SULT2B1: variants seen among roughly 807,000 people sequenced by gnomAD.
SULT2B1 encodes the protein sulfotransferase family 2B member 1.
Under a neutral mutation model 33.2 loss-of-function variants are expected in SULT2B1, and 16 were observed. The ratio of observed to expected loss-of-function variants is 0.48; its 90% CI spans 0.33 to 0.73. The LOEUF (loss-of-function observed/expected upper bound fraction) is 0.73, where lower values mean the gene tolerates loss of function less well. Among genes scored for constraint, SULT2B1 ranks in the 30% least tolerant of loss-of-function variants. The pLI, the probability that SULT2B1 is intolerant of heterozygous loss-of-function variation, is 0.02. For synonymous variants in SULT2B1, 186 were observed against 200.5 expected, an observed-to-expected ratio of 0.93 and a Z score of 0.61; for missense variants, 500 against 506.0, an observed-to-expected ratio of 0.99 and a Z score of 0.11.
At chr19:48,595,610 G>A (rs1973700522) in intron 5 of SULT2B1, among the ~76,000 whole-genome samples, 1 of 151,598 alleles carries the variant, frequency 6.6e-6, no homozygotes, top group Admixed American at 6.6e-5. Context: ...GAGAGGGTGG[G>A]AAAGGTATTG....
At chr19:48,577,650 C>T (rs947450642) in intron 2 of SULT2B1, among the ~76,000 whole-genome samples, 7 of 151,990 alleles carry the variant, frequency 4.6e-5, no homozygotes, top group African/African-American at 1.7e-4. Flanking sequence ...AGGTGTGAGC[C>T]CGGTCAATAA....
At chr19:48,575,454 A>T (rs1462605718) in intron 1 of SULT2B1, 1 of 106,470 alleles carries the variant, frequency 9.4e-6, no homozygotes, top group Non-Finnish European at 1.9e-5. Context: ...TTAACTTTTT[A>T]AAATTAAAAA....
Position 48,599,044 on chromosome 19 carries a change from CGGGAAG to C in SULT2B1, c.827-83_827-78del. 1 of 1,499,566 alleles carries C rather than the reference CGGGAAG, an allele frequency of 6.7e-7. No individual in the cohort carries two copies. 92.9% of individuals were successfully genotyped at this position (1,499,566 alleles called of 1,614,324 possible). On this transcript the variant is annotated intron_variant, in intron 6 of 6. Transcript: ENST00000201586. This position sits in a 1 kb window ranked among gnomAD's most constrained non-coding sequence, Gnocchi z 4.1. ...GCAAAGGGAACACCTCGCCAAAGGC[CGGGAAG>C]GGGAAGGAGGTTGCTGGAATGTTGG...
Position 48,576,065 on chromosome 19 carries a change from A to G in SULT2B1, c.196A>G (p.Ile66Val), listed in dbSNP as rs1358956084. The change falls in exon 2 of 7, where the codon ATC becomes GTC. Residue 66 changes from isoleucine (I) to valine (V), a missense_variant. By Grantham distance (29) the Ile-to-Val change is conservative. Coordinates refer to ENST00000201586, the MANE Select transcript of SULT2B1 (RefSeq NM_177973.2). Reference protein sequence around the residue: ...QDVRDDDIFIITYPKSGTTWM... With the variant: ...QDVRDDDIFIVTYPKSGTTWM... ...TGTGCGGGACGACGACATCTTTATC[A>G]TCACCTACCCCAAGTCAGGTACCTG... 1.9e-6 allele frequency: 3 copies of G among 1,612,168 alleles called. No homozygotes were observed. In the Admixed American group the frequency reaches 5.0e-5, roughly 27 times the overall value.
chr19:48,593,351 A>G (rs757697505), intron 5 of SULT2B1, among the ~76,000 whole-genome samples: 3 of 152,098 alleles, frequency 2.0e-5, no homozygotes, highest in Non-Finnish European at 4.4e-5. Flanking sequence ...CAGGAGTTCA[A>G]GACCAGCCTG....
chr19:48,596,495 T>A (rs1973716858), intron 5 of SULT2B1: 2 of 364,594 alleles, frequency 5.5e-6, no homozygotes, highest in Non-Finnish European at 4.8e-6. Context: ...TGCCCCCTGC[T>A]GTGACCTCTG....
rs778540223 is a variant in SULT2B1, at chr19:48,591,705, C to T, written c.520C>T (p.Gln174Ter). 1.2e-6 allele frequency: 2 copies of T among 1,609,640 alleles called. No homozygotes were observed. Among genetic ancestry groups the T allele is most frequent in the South Asian group, 2.2e-5 (2 of 90,424 alleles). Residue 174 changes from glutamine to a stop codon, truncating the protein, a stop_gained, in exon 4 of 7, where the codon CAG becomes TAG. Transcript: ENST00000201586. LOFTEE classifies it high-confidence loss of function. ...GQLKDPGTPD[Q>*]FLRDFLKGEV... ...GTTAAAGGACCCGGGCACACCCGACCAGTTCCTGAGGGACTTCCTCAAAGG... is the reference window on the plus strand; with the variant it reads ...GTTAAAGGACCCGGGCACACCCGACTAGTTCCTGAGGGACTTCCTCAAAGG...
intron 2 of SULT2B1, among the ~76,000 whole-genome samples, chr19:48,579,217 C>A (rs1483108535): frequency 6.6e-6 from 1 of 151,196 alleles, no homozygotes; most frequent in Admixed American, 6.6e-5. Context: ...AGTTGATAAG[C>A]ATTTGGATTA....
At chr19:48,596,686 T>C (rs1973719095) in intron 5 of SULT2B1, 53 bp from the exon 6 acceptor site, 49 of 1,507,834 alleles carry the variant, frequency 3.2e-5, no homozygotes, top group Non-Finnish European at 4.2e-5. Flanking sequence ...GGTTCCACGC[T>C]CCTTCCTTGG....
At position 48,552,200 on chromosome 19, in the gene SULT2B1, CTG is replaced by C; in HGVS notation, c.-50_-49del. 6.3e-7 allele frequency: 1 copy of C among 1,578,926 alleles called. No homozygotes were observed. On this transcript the variant is annotated 5_prime_UTR_variant, in exon 1 of 7. Coordinates refer to ENST00000201586, the MANE Select transcript of SULT2B1 (RefSeq NM_177973.2). The surrounding 1 kb of genome is among the most constrained non-coding windows in gnomAD (Gnocchi z 4.8). ...CGCTGTCGCTGCGCACACCTGGCCT[CTG>C]TGCCGCCTGCTCCCTGCTCGTCCTC...
chr19:48,554,654 CTTTTTTTTTTT>C lies in SULT2B1; in HGVS notation c.71+2348_71+2358del, dbSNP rs3859436. Among the ~76,000 whole-genome samples, 62 of 13,596 alleles carry C rather than the reference CTTTTTTTTTTT, an allele frequency of 4.6e-3. 1 individual carries two copies. Among genetic ancestry groups the C allele is most frequent in the Non-Finnish European group, 6.4e-3 (56 of 8,772 alleles). The allele number at this position is 13,596 out of a possible 152,430, so 8.9% of individuals were successfully genotyped here. On this transcript the variant is annotated intron_variant, in intron 1 of 6. Coordinates refer to ENST00000201586, the MANE Select transcript of SULT2B1 (RefSeq NM_177973.2). ...CACCTGCATTCCAGCTACTCTACTG[CTTTTTTTTTTT>C]TTTTTTTTTTTTTTTTGAGACTGAA...
intron 1 of SULT2B1, among the ~76,000 whole-genome samples, chr19:48,569,771 A>G (rs1188570259): frequency 6.6e-6 from 1 of 151,676 alleles, no homozygotes; most frequent in Admixed American, 6.6e-5. Context: ...GGTTAAAGTG[A>G]TTCTCCTGCC....
chr19:48,572,271 T>C (rs1386783147), intron 1 of SULT2B1, among the ~76,000 whole-genome samples: 1 of 152,058 alleles, frequency 6.6e-6, no homozygotes, highest in African/African-American at 2.4e-5. Flanking sequence ...TCCCAGCACT[T>C]TGGGAGGCCG....
intron 3 of SULT2B1, chr19:48,591,280 A>T: frequency 5.2e-6 from 1 of 191,178 alleles, no homozygotes; most frequent in Non-Finnish European, 1.1e-5. Context: ...ATCTGTGAGT[A>T]ACCAACATGG....
At chr19:48,582,136 C>T (rs1163929734) in intron 2 of SULT2B1, among the ~76,000 whole-genome samples, 1 of 150,550 alleles carries the variant, frequency 6.6e-6, no homozygotes, top group African/African-American at 2.4e-5. Flanking sequence ...AACCCCTGAC[C>T]TCAGGAGATC....
rs778883635 is a variant in SULT2B1 at position 48,599,207 on chromosome 19, A to G, written c.899A>G (p.Gln300Arg). The change falls in exon 7 of 7, where the codon CAG becomes CGG. Residue 300 changes from glutamine (Q) to arginine (R), a missense_variant. Physicochemically the swap from Gln to Arg is conservative, Grantham distance 43. Coordinates refer to ENST00000201586, the MANE Select transcript of SULT2B1 (RefSeq NM_177973.2). This position sits in a 1 kb window ranked among gnomAD's most constrained non-coding sequence, Gnocchi z 4.1. ...GCCTTCGATCGTGCCTACCGCAAGC[A>G]GATGCGGGGGATGCCGACCTTCCCC... ...SEAFDRAYRKQMRGMPTFPWD... is the reference protein window; with the variant it reads ...SEAFDRAYRKRMRGMPTFPWD... 2 of 1,606,744 alleles carry G rather than the reference A, an allele frequency of 1.2e-6. 1 individual carries two copies. The highest frequency in any genetic ancestry group is 4.5e-5 in the East Asian group (2 of 44,686).
chr19:48,553,592 C>T (rs1319361949), intron 1 of SULT2B1, among the ~76,000 whole-genome samples: 1 of 152,012 alleles, frequency 6.6e-6, no homozygotes, highest in Non-Finnish European at 1.5e-5. Context: ...GGATTACAGG[C>T]GTGGGCCACC....
Position 48,599,395 on chromosome 19 carries a change from C to T in SULT2B1, c.1087C>T (p.Arg363Ter), listed in dbSNP as rs764821984. The T allele has an allele frequency of 8.4e-6, 13 of 1,553,762 alleles. No individual in the cohort carries two copies. The highest frequency in any genetic ancestry group is 3.5e-5 in the South Asian group (3 of 84,560). ...PGQASETPHP[R>*]PS ...CCAGGCCTCTGAGACCCCGCACCCACGACCCTCATAATAAACACGTCGATT... is the reference window on the plus strand; with the variant it reads ...CCAGGCCTCTGAGACCCCGCACCCATGACCCTCATAATAAACACGTCGATT... Residue 363 changes from arginine to a stop codon, truncating the protein, a stop_gained, in exon 7 of 7, where the codon CGA (arginine) becomes TGA (stop). Coordinates refer to ENST00000201586, the MANE Select transcript of SULT2B1 (RefSeq NM_177973.2). LOFTEE classifies it high-confidence loss of function. This position sits in a 1 kb window ranked among gnomAD's most constrained non-coding sequence, Gnocchi z 4.1.
intron 2 of SULT2B1, among the ~76,000 whole-genome samples, chr19:48,584,467 G>A (rs1419022188): frequency 1.3e-5 from 2 of 152,210 alleles, no homozygotes; most frequent in Non-Finnish European, 2.9e-5. Context: ...GCCCTCTGCT[G>A]ACAAGGTTTA....
Sources: allele counts gnomAD v4.1 joint callset (sites outside exome capture counted in the v4.1 genomes callset), GRCh38; gene constraint gnomAD v4.1.1; non-coding constraint Gnocchi (gnomAD v3.1); transcripts MANE v1.5; gene names NCBI Gene and HGNC (gene_info 2026-07-23, HGNC 2026-07-21).